BRINP1: variants seen among roughly 807,000 people sequenced by gnomAD.
BRINP1 encodes BMP/retinoic acid-inducible neural-specific protein 1.
Under a neutral mutation model 72.9 loss-of-function variants are expected in BRINP1, and 17 were observed. The observed-to-expected ratio is 0.23, with a 90% CI of 0.16 to 0.35. The LOEUF is 0.35. Among genes scored for constraint, BRINP1 ranks in the 10% least tolerant of loss-of-function variants. The pLI is 1.00. For missense variants in BRINP1, 850 were observed against 1,001.6 expected, an observed-to-expected ratio of 0.85 and a Z score of 2.04; for synonymous variants, 418 against 378.5, an observed-to-expected ratio of 1.10 and a Z score of -1.21.
At chr9:119,237,834 G>T (rs889257307) in intron 5 of BRINP1, among the ~76,000 whole-genome samples, 3 of 151,726 alleles carry the variant, frequency 2.0e-5, no homozygotes, top group Admixed American at 6.6e-5. Flanking sequence ...GCTAATTTTT[G>T]TATTTTTAGT....
At chr9:119,344,716 C>T (rs1234384267) in intron 1 of BRINP1, among the ~76,000 whole-genome samples, 1 of 152,202 alleles carries the variant, frequency 6.6e-6, no homozygotes, top group East Asian at 1.9e-4. Context: ...ACCACACATT[C>T]AATCTCAAAT....
At chr9:119,326,460 T>C (rs1351778585) in intron 1 of BRINP1, among the ~76,000 whole-genome samples, 3 of 152,222 alleles carry the variant, frequency 2.0e-5, no homozygotes, top group Admixed American at 6.5e-5. Context: ...AGAATAATTA[T>C]TTTTGTAATT....
intron 3 of BRINP1, among the ~76,000 whole-genome samples, chr9:119,247,849 A>G (rs1197680757): frequency 6.6e-6 from 1 of 152,176 alleles, no homozygotes; most frequent in Non-Finnish European, 1.5e-5. Context: ...AGGACTAAAG[A>G]CAATGTACAA....
intron 1 of BRINP1, among the ~76,000 whole-genome samples, chr9:119,352,801 T>C (rs561839054): frequency 1.3e-5 from 2 of 152,372 alleles, no homozygotes; most frequent in South Asian, 4.1e-4. Context: ...CAACATTTGA[T>C]AAATTATGAA....
At chr9:119,290,567 G>A (rs932143551) in intron 2 of BRINP1, among the ~76,000 whole-genome samples, 6 of 152,136 alleles carry the variant, frequency 3.9e-5, no homozygotes, top group African/African-American at 1.4e-4. Flanking sequence ...GCATTTGGCA[G>A]TTAGGTGCAA....
At chr9:119,294,869 A>G (rs1830858470) in intron 2 of BRINP1, among the ~76,000 whole-genome samples, 1 of 151,760 alleles carries the variant, frequency 6.6e-6, no homozygotes, top group African/African-American at 2.4e-5. Context: ...AAAAAAAAAA[A>G]AAGACACACA....
chr9:119,210,902 A>C (rs751725618), intron 6 of BRINP1, among the ~76,000 whole-genome samples: 1 of 152,206 alleles, frequency 6.6e-6, no homozygotes, highest in South Asian at 2.1e-4. Context: ...TGAGACACAG[A>C]AAGTACTCGG....
intron 1 of BRINP1, among the ~76,000 whole-genome samples, chr9:119,326,700 G>A (rs1318740754): frequency 6.6e-6 from 1 of 152,176 alleles, no homozygotes; most frequent in Non-Finnish European, 1.5e-5. Flanking sequence ...AGGCCAGTTT[G>A]CTACAATTCA....
intron 4 of BRINP1, 36 bp downstream of exon 4, chr9:119,242,011 G>C (rs1457694001): frequency 6.2e-7 from 1 of 1,601,808 alleles, no homozygotes; most frequent in Non-Finnish European, 8.5e-7. Flanking sequence ...TTGTTGTATT[G>C]AGAACCTGTC....
chr9:119,241,069 T>C (rs1830243482), intron 4 of BRINP1, among the ~76,000 whole-genome samples: 1 of 152,232 alleles, frequency 6.6e-6, no homozygotes, highest in Admixed American at 6.5e-5. Flanking sequence ...AAATGGAATC[T>C]TGTTAAAGTT....
rs146297803 is a variant in BRINP1 at position 119,291,942 on chromosome 9, T to G, written c.218+21196A>C. Reference sequence around the variant, plus strand: ...AGCATGGTGAGTTGGTTGTTTTTAATAATACAACATCAGTCTTCTAATTTT... The same window carrying G: ...AGCATGGTGAGTTGGTTGTTTTTAAGAATACAACATCAGTCTTCTAATTTT... On this transcript the variant is annotated intron_variant, in intron 2 of 7. Coordinates refer to ENST00000265922, the MANE Select transcript of BRINP1 (RefSeq NM_014618.3). Among the ~76,000 whole-genome samples the G allele has an allele frequency of 3.3e-3, 506 of 152,274 alleles. 2 individuals are homozygous for G. The highest frequency in any genetic ancestry group is 0.01 in the African/African-American group (436 of 41,560).
intron 4 of BRINP1, among the ~76,000 whole-genome samples, chr9:119,240,541 G>A (rs550263691): frequency 2.1e-4 from 32 of 152,242 alleles, no homozygotes; most frequent in Admixed American, 3.3e-4. Flanking sequence ...CCCATCCAGC[G>A]AGGAGAGAAC....
intron 6 of BRINP1, among the ~76,000 whole-genome samples, chr9:119,210,784 A>C (rs1470958939): frequency 1.3e-5 from 2 of 152,202 alleles, no homozygotes; most frequent in South Asian, 2.1e-4. Flanking sequence ...TGGGACCCTT[A>C]TTCTCTCAAG....
intron 7 of BRINP1, among the ~76,000 whole-genome samples, chr9:119,192,604 T>A (rs1256928968): frequency 6.6e-6 from 1 of 152,052 alleles, no homozygotes; most frequent in Non-Finnish European, 1.5e-5. Flanking sequence ...TAGCAAATGT[T>A]GGTGAGGGTG....
At chr9:119,281,408 G>A (rs1458155555) in intron 2 of BRINP1, among the ~76,000 whole-genome samples, 1 of 149,416 alleles carries the variant, frequency 6.7e-6, no homozygotes, top group Non-Finnish European at 1.5e-5. Context: ...AAATCACTTA[G>A]GCAGTGTGTA....
chr9:119,285,104 C>T (rs534686490), intron 2 of BRINP1, among the ~76,000 whole-genome samples: 1 of 151,750 alleles, frequency 6.6e-6, no homozygotes, highest in South Asian at 2.1e-4. Context: ...AAATGCATCG[C>T]ACGGTTCCCA....
chr9:119,355,392 C>T (rs773917127), intron 1 of BRINP1, among the ~76,000 whole-genome samples: 5 of 152,122 alleles, frequency 3.3e-5, no homozygotes, highest in Non-Finnish European at 2.9e-5. Context: ...TTCTCAACAG[C>T]ATAACTAGAA....
At chr9:119,285,201 CAAAAA>C (rs58381406) in intron 2 of BRINP1, among the ~76,000 whole-genome samples, 13 of 121,180 alleles carry the variant, frequency 1.1e-4, no homozygotes, top group African/African-American at 3.1e-4. Context: ...TTGCAGGCAT[CAAAAA>C]AAAAAAAAAA....
At chr9:119,289,271 T>C (rs2118971194) in intron 2 of BRINP1, among the ~76,000 whole-genome samples, 1 of 152,284 alleles carries the variant, frequency 6.6e-6, no homozygotes, top group Non-Finnish European at 1.5e-5. Flanking sequence ...CTTGCCAACA[T>C]AAAGAAATGC....
Sources: allele counts gnomAD v4.1 joint callset (sites outside exome capture counted in the v4.1 genomes callset), GRCh38; gene constraint gnomAD v4.1.1; transcripts MANE v1.5; gene names NCBI Gene and HGNC (gene_info 2026-07-23, HGNC 2026-07-21).